The following RPTOR variants were observed in gnomAD, a reference collection of about 807,000 sequenced individuals.
RPTOR encodes regulatory-associated protein of mTOR.
A neutral mutation model predicts 169.9 loss-of-function variants in RPTOR; 21 were observed. The observed-to-expected ratio is 0.12, with a 90% CI of 0.09 to 0.18. RPTOR has a LOEUF of 0.18. Among genes scored for constraint, RPTOR ranks in the 10% least tolerant of loss-of-function variants. RPTOR has a pLI of 1.00. For synonymous variants in RPTOR, 732 were observed against 753.2 expected (o/e 0.97, Z 0.46); for missense variants, 1,133 against 1,855.9 (o/e 0.61, Z 7.16).
chr17:80,844,907 T>G lies in RPTOR; in HGVS notation c.1213-1566T>G, dbSNP rs377475839. Among the ~76,000 whole-genome samples, 3 of 151,664 alleles carry G rather than the reference T, an allele frequency of 2.0e-5. No individual in the cohort carries two copies. The highest frequency in any genetic ancestry group is 7.3e-5 in the African/African-American group (3 of 41,348). On this transcript the variant is annotated intron_variant, in intron 10 of 33. Transcript: ENST00000306801. This position sits in a 1 kb window ranked among gnomAD's most constrained non-coding sequence, Gnocchi z 4.7. ...CGCACCTCCACTGCGGCCACCCACC[T>G]TCCCCCCGAGCAAAATCAAACAACG... is the stretch of plus-strand genomic sequence containing the variant.
At chr17:80,710,524 T>TA (rs1298235771) in intron 4 of RPTOR, among the ~76,000 whole-genome samples, 1 of 151,886 alleles carries the variant, frequency 6.6e-6, no homozygotes, top group South Asian at 2.1e-4. Context: ...TTTGGTTTTT[T>TA]AAAAAAATTG....
chr17:80,771,995 AT>A, intron 6 of RPTOR, among the ~76,000 whole-genome samples: 1 of 152,196 alleles, frequency 6.6e-6, no homozygotes, highest in African/African-American at 2.4e-5. Flanking sequence ...AATTTTTCAC[AT>A]TTTTTGTAGA....
chr17:80,855,041 C>G (rs377665710), intron 11 of RPTOR, among the ~76,000 whole-genome samples: 8 of 152,154 alleles, frequency 5.3e-5, no homozygotes, highest in African/African-American at 1.9e-4. Flanking sequence ...CAGTACATAC[C>G]TACTGATATG....
intron 5 of RPTOR, among the ~76,000 whole-genome samples, chr17:80,744,149 GGTTACTAGCAC>G (rs1271239652): frequency 2.3e-5 from 2 of 88,214 alleles, no homozygotes; most frequent in African/African-American, 9.2e-5. Context: ...GCACTATCCT[GGTTACTAGCAC>G]AGCCCTGGTT....
intron 3 of RPTOR, among the ~76,000 whole-genome samples, chr17:80,681,224 T>G (rs1004057559): frequency 3.9e-5 from 6 of 152,224 alleles, no homozygotes; most frequent in Non-Finnish European, 8.8e-5. Context: ...GTGTCTCGCT[T>G]TATTTTTTTA....
intron 3 of RPTOR, among the ~76,000 whole-genome samples, chr17:80,652,334 A>G (rs1181918605): frequency 6.6e-6 from 1 of 152,206 alleles, no homozygotes; most frequent in Non-Finnish European, 1.5e-5. Context: ...AGGCCCAGGC[A>G]GTCACCAGCC....
At chr17:80,560,682 C>T (rs2143251617) in intron 1 of RPTOR, among the ~76,000 whole-genome samples, 1 of 152,226 alleles carries the variant, frequency 6.6e-6, no homozygotes, top group Middle Eastern at 3.4e-3. Flanking sequence ...TGCAAGGGGC[C>T]TTCCCTTGTG....
In RPTOR at chr17:80,823,641, T is replaced by TCACACACACACACA. The variant is rs3042670; in HGVS notation, c.1136+443_1136+456dup. ...ATCAATTAGTTTTTATGCTTATTTCTCACACACACACACACACACACACAC... is the reference window on the plus strand; with the variant it reads ...ATCAATTAGTTTTTATGCTTATTTCTCACACACACACACACACACACACACACACACACACACAC... On this transcript the variant is annotated intron_variant, in intron 9 of 33. Transcript: ENST00000306801. The surrounding 1 kb of genome is among the most constrained non-coding windows in gnomAD (Gnocchi z 4.5). The TCACACACACACACA allele has an allele frequency of 6.4e-6, 1 of 156,804 alleles. No individual in the cohort carries two copies. The highest frequency in any genetic ancestry group is 2.5e-5 in the African/African-American group (1 of 40,472). 9.7% of individuals were successfully genotyped at this position (156,804 alleles called of 1,614,324 possible).
intron 6 of RPTOR, among the ~76,000 whole-genome samples, chr17:80,781,132 A>G (rs973206065): frequency 7.2e-5 from 11 of 152,110 alleles, no homozygotes; most frequent in African/African-American, 2.7e-4. Context: ...GGAGGGTGAT[A>G]ATTGTGCCCA....
chr17:80,891,698 T>C, intron 17 of RPTOR, 22 bp from the exon 18 acceptor site: 1 of 1,504,294 alleles, frequency 6.6e-7, no homozygotes. Flanking sequence ...TGACTGTTAT[T>C]GTCCCTTCTC....
intron 7 of RPTOR, among the ~76,000 whole-genome samples, chr17:80,818,659 G>A (rs1179966017): frequency 4.6e-5 from 7 of 152,186 alleles, no homozygotes; most frequent in East Asian, 1.9e-4. Flanking sequence ...TTGGTTCATC[G>A]ACTTGAATGA....
At chr17:80,579,608 C>G (rs917573905) in intron 1 of RPTOR, among the ~76,000 whole-genome samples, 1 of 152,236 alleles carries the variant, frequency 6.6e-6, no homozygotes, top group Non-Finnish European at 1.5e-5. Flanking sequence ...AGTCTTTTCT[C>G]TCTCCCAGAG....
At chr17:80,549,770 A>G (rs1219582389) in intron 1 of RPTOR, among the ~76,000 whole-genome samples, 1 of 152,192 alleles carries the variant, frequency 6.6e-6, no homozygotes, top group Non-Finnish European at 1.5e-5. Context: ...CAGACATGCT[A>G]TGTCTACACA....
chr17:80,760,246 A>G (rs1288882067), intron 6 of RPTOR, among the ~76,000 whole-genome samples: 2 of 150,890 alleles, frequency 1.3e-5, no homozygotes, highest in African/African-American at 4.9e-5. Context: ...AAAGAGCCAC[A>G]GGCAATATAT....
At chr17:80,621,572 C>A (rs2065354807) in intron 1 of RPTOR, among the ~76,000 whole-genome samples, 1 of 152,170 alleles carries the variant, frequency 6.6e-6, no homozygotes, top group Non-Finnish European at 1.5e-5. Flanking sequence ...CCTGGCTGCC[C>A]CACTTGCTCG....
At position 80,609,717 on chromosome 17, in the gene RPTOR, C is replaced by T. The variant is rs144763327; in HGVS notation, c.163-15974C>T. ...CTGAGATTGCACTGCTGCACTCCAG[C>T]CTGGGCGACAGAGCGAGATTCTGTC... is the stretch of plus-strand genomic sequence containing the variant. On this transcript the variant is annotated intron_variant, in intron 1 of 33. Coordinates refer to ENST00000306801, the MANE Select transcript of RPTOR (RefSeq NM_020761.3). The surrounding 1 kb of genome is among the most constrained non-coding windows in gnomAD (Gnocchi z 4.8). 1.3e-5 allele frequency among the ~76,000 whole-genome samples: 2 copies of T among 151,322 alleles called. No homozygotes were observed. Among genetic ancestry groups the T allele is most frequent in the African/African-American group, 4.9e-5 (2 of 41,170 alleles).
At chr17:80,777,073 C>T (rs776562619) in intron 6 of RPTOR, among the ~76,000 whole-genome samples, 1 of 152,064 alleles carries the variant, frequency 6.6e-6, no homozygotes, top group Non-Finnish European at 1.5e-5. Context: ...ACCCTGTCTA[C>T]TAAAAATACA....
chr17:80,735,076 C>T (rs962792927), intron 5 of RPTOR, among the ~76,000 whole-genome samples: 1 of 152,140 alleles, frequency 6.6e-6, no homozygotes, highest in East Asian at 1.9e-4. Context: ...AAGCAGACTT[C>T]GCTTTAGACC....
intron 13 of RPTOR, among the ~76,000 whole-genome samples, chr17:80,864,372 A>AAAGGTGAGAG (rs2067960933): frequency 2.8e-5 from 3 of 105,910 alleles, no homozygotes; most frequent in East Asian, 2.7e-4. Context: ...AAAGGTGAGA[A>AAAGGTGAGAG]TGATGGCAAG....
Sources: gnomAD v4.1 joint callset for allele counts (sites outside exome capture counted in the v4.1 genomes callset) on GRCh38, gnomAD v4.1.1 for gene constraint, Gnocchi (gnomAD v3.1) non-coding constraint, MANE v1.5 for transcripts, NCBI Gene and HGNC (gene_info 2026-07-23, HGNC 2026-07-21) for gene names.